DLG2: variants seen among roughly 807,000 people sequenced by gnomAD.
The protein encoded by DLG2 is disks large homolog 2.
DLG2 carries 45 observed loss-of-function variants against 132.5 expected under a neutral mutation model. The ratio of observed to expected loss-of-function variants is 0.34; its 90% CI spans 0.27 to 0.44. The LOEUF (loss-of-function observed/expected upper bound fraction) is 0.44, where lower values mean the gene tolerates loss of function less well. DLG2 is among the 20% of genes least tolerant of loss of function. DLG2 has a pLI of 1.00. For missense variants in DLG2, 1,045 were observed against 1,196.9 expected (o/e 0.87, Z 1.87); for synonymous variants, 424 against 419.6 (o/e 1.01, Z -0.13).
intron 7 of DLG2, among the ~76,000 whole-genome samples, chr11:84,378,175 G>A (rs2098736554): frequency 6.6e-6 from 1 of 152,140 alleles, no homozygotes; most frequent in South Asian, 2.1e-4. Flanking sequence ...AGGTCATAAG[G>A]GTAGGGCTGT....
At chr11:84,425,372 A>G (rs955664288) in intron 7 of DLG2, among the ~76,000 whole-genome samples, 3 of 152,146 alleles carry the variant, frequency 2.0e-5, no homozygotes, top group Non-Finnish European at 4.4e-5. Context: ...TTTGCTTTCT[A>G]AAAGGCATAG....
chr11:83,496,185 G>GATAT (rs111574678), intron 21 of DLG2, among the ~76,000 whole-genome samples: 20 of 144,250 alleles, frequency 1.4e-4, no homozygotes, highest in Admixed American at 4.2e-4. Context: ...TTTAACATAA[G>GATAT]ATATATATAT....
intron 16 of DLG2, among the ~76,000 whole-genome samples, chr11:83,846,214 G>A (rs950566200): frequency 1.3e-5 from 2 of 152,176 alleles, no homozygotes; most frequent in Admixed American, 6.5e-5. Context: ...GGGCCAGAGC[G>A]GAGATATGCA....
At chr11:84,140,354 A>G (rs994499104) in intron 9 of DLG2, among the ~76,000 whole-genome samples, 8 of 152,176 alleles carry the variant, frequency 5.3e-5, no homozygotes, top group African/African-American at 1.9e-4. Flanking sequence ...GTGACGTAAT[A>G]TGAAATATGA....
At chr11:85,183,751 A>G (rs185720107) in intron 4 of DLG2, among the ~76,000 whole-genome samples, 2 of 152,088 alleles carry the variant, frequency 1.3e-5, no homozygotes, top group Admixed American at 1.3e-4. Flanking sequence ...ACCTCTGAAT[A>G]TTAGATCACT....
At chr11:83,522,814 CCT>C (rs199774341) in intron 21 of DLG2, among the ~76,000 whole-genome samples, 4,537 of 94,016 alleles carry the variant, frequency 0.048, 120 homozygotes, top group Non-Finnish European at 0.066. Flanking sequence ...GCCCCCCCCC[CCT>C]TTTTTTTTTA....
At chr11:84,536,202 T>C (rs897324781) in intron 6 of DLG2, among the ~76,000 whole-genome samples, 8 of 152,174 alleles carry the variant, frequency 5.3e-5, no homozygotes, top group Non-Finnish European at 1.0e-4. Context: ...ACTTGTTCCA[T>C]TGCAATCATT....
chr11:84,823,574 T>G (rs1175456385), intron 6 of DLG2, among the ~76,000 whole-genome samples: 2 of 128,240 alleles, frequency 1.6e-5, no homozygotes, highest in Non-Finnish European at 3.3e-5. Context: ...ATGGGATGGT[T>G]GTATATCCAC....
rs374576568 is a variant in DLG2, at chr11:83,472,710, C to T, written c.2344+17G>A. 6.1e-5 allele frequency: 98 copies of T among 1,608,576 alleles called. No individual in the cohort carries two copies. Among genetic ancestry groups the T allele is most frequent in the African/African-American group, 8.0e-5 (6 of 74,572 alleles). ...ATGGCCCAGAAATTAGGAATGAAAG[C>T]GTGCTGGGAAACTTACTTTCCTGCC... On this transcript the variant is annotated intron_variant, in intron 23 of 27. Transcript: ENST00000376104.
chr11:83,519,597 T>C (rs780121277), intron 21 of DLG2, among the ~76,000 whole-genome samples: 1 of 152,202 alleles, frequency 6.6e-6, no homozygotes, highest in Non-Finnish European at 1.5e-5. Context: ...GAAGATTTAA[T>C]GAGAAAAATT....
intron 6 of DLG2, among the ~76,000 whole-genome samples, chr11:84,926,592 T>A (rs2092986958): frequency 2.0e-5 from 3 of 151,746 alleles, no homozygotes; most frequent in Admixed American, 2.0e-4. Context: ...AGGTGTGGGG[T>A]GTGGGTGTGT....
At chr11:85,502,022 T>C (rs2093816163) in intron 3 of DLG2, among the ~76,000 whole-genome samples, 1 of 152,132 alleles carries the variant, frequency 6.6e-6, no homozygotes, top group Non-Finnish European at 1.5e-5. Flanking sequence ...CCAACCGCAA[T>C]GTCCACCAAT....
intron 6 of DLG2, among the ~76,000 whole-genome samples, chr11:84,970,274 C>T (rs761217358): frequency 3.9e-5 from 6 of 152,132 alleles, no homozygotes; most frequent in Admixed American, 6.6e-5. Context: ...TCTTTCAGAA[C>T]TTCCCCCATC....
At chr11:84,807,867 T>G (rs118177953) in intron 6 of DLG2, among the ~76,000 whole-genome samples, 1 of 152,004 alleles carries the variant, frequency 6.6e-6, no homozygotes, top group African/African-American at 2.4e-5. Context: ...GCAATAGAAC[T>G]AAAAGGACAA....
intron 3 of DLG2, among the ~76,000 whole-genome samples, chr11:85,348,654 C>T (rs1436770166): frequency 1.3e-5 from 2 of 152,102 alleles, no homozygotes; most frequent in African/African-American, 4.8e-5. Context: ...AAAATAGCAA[C>T]CTAACTTTCC....
chr11:84,822,182 T>C (rs1186134193), intron 6 of DLG2, among the ~76,000 whole-genome samples: 1 of 151,850 alleles, frequency 6.6e-6, no homozygotes, highest in African/African-American at 2.4e-5. Context: ...TCTTTGAATG[T>C]CCAAAACACT....
At chr11:85,608,427 C>T (rs2080747622) in intron 2 of DLG2, among the ~76,000 whole-genome samples, 1 of 152,148 alleles carries the variant, frequency 6.6e-6, no homozygotes, top group African/African-American at 2.4e-5. Context: ...TTGACCTTTT[C>T]TGTAAGATGG....
At chr11:84,847,274 A>G (rs1425311484) in intron 6 of DLG2, among the ~76,000 whole-genome samples, 1 of 152,190 alleles carries the variant, frequency 6.6e-6, no homozygotes, top group African/African-American at 2.4e-5. Context: ...GTGGGGGAGC[A>G]CTGCTATCAG....
chr11:84,678,399 G>C (rs150122959), intron 6 of DLG2, among the ~76,000 whole-genome samples: 1 of 152,044 alleles, frequency 6.6e-6, no homozygotes, highest in Non-Finnish European at 1.5e-5. Context: ...ACAACATACG[G>C]ATCTCATTCC....
Sources: gnomAD v4.1 joint callset for allele counts (sites outside exome capture counted in the v4.1 genomes callset) on GRCh38, gnomAD v4.1.1 for gene constraint, MANE v1.5 for transcripts, NCBI Gene and HGNC (gene_info 2026-07-23, HGNC 2026-07-21) for gene names.